Variants in RPS24 observed in about 807,000 individuals in gnomAD.
RPS24 encodes the protein ribosomal protein S24, also known as small ribosomal subunit protein eS24.
For missense variants in RPS24, 100 were observed against 162.5 expected (o/e 0.62, Z 2.09); for synonymous variants, 72 against 55.6 (o/e 1.30, Z -1.31).
downstream of RPS24, among the ~76,000 whole-genome samples, chr10:78,045,210 ACTC>A (rs536449702): frequency 5.7e-3 from 855 of 151,042 alleles, 4 homozygotes; most frequent in African/African-American, 0.02. Context: ...CTGGTCTTGA[ACTC>A]CTGACCTCAG....
At chr10:78,053,569 G>T (rs1405643379) in intron 4 of RPS24, among the ~76,000 whole-genome samples, 1 of 152,126 alleles carries the variant, frequency 6.6e-6, no homozygotes, top group Admixed American at 6.5e-5. Context: ...AATATCTTTG[G>T]GTGGAAGGTG....
chr10:78,047,610 T>C (rs1179027958), intron 4 of RPS24, among the ~76,000 whole-genome samples: 1 of 152,186 alleles, frequency 6.6e-6, no homozygotes, highest in Non-Finnish European at 1.5e-5. Flanking sequence ...GGTGGTAATC[T>C]TGTTTATAGG....
At chr10:78,037,417 T>A (rs1847896134) in intron 4 of RPS24, 113 bp downstream of exon 4, 1 of 1,453,296 alleles carries the variant, frequency 6.9e-7, no homozygotes, top group Admixed American at 2.5e-5. Flanking sequence ...TTTCTTCTTT[T>A]CCCTCTTCTT....
chr10:78,034,037 T>G, intron 1 of RPS24, 133 bp downstream of exon 1: 1 of 1,152,824 alleles, frequency 8.7e-7, no homozygotes, highest in African/African-American at 1.5e-5. Flanking sequence ...AGAGGATGGT[T>G]GTCGAGGGGC....
At chr10:78,048,732 G>A (rs568251753) in intron 4 of RPS24, among the ~76,000 whole-genome samples, 16 of 152,044 alleles carry the variant, frequency 1.1e-4, no homozygotes, top group Admixed American at 7.9e-4. Context: ...AAAATTAGCC[G>A]GGCATGGGGG....
rs373827373 is a variant in RPS24, at chr10:78,034,378, T to A, written c.3+474T>A. 8.9e-5 allele frequency: 18 copies of A among 202,130 alleles called. No individual in the cohort carries two copies. The East Asian group carries it at 9.7e-4, about 11-fold the overall frequency. 12.5% of individuals were successfully genotyped at this position (202,130 alleles called of 1,614,324 possible). ...TTGTCAGCTGGATGGATCTTCATGTTTCATAGTGGGGAAACAGGCCCTGGA... is the reference window on the plus strand; with the variant it reads ...TTGTCAGCTGGATGGATCTTCATGTATCATAGTGGGGAAACAGGCCCTGGA... On this transcript the variant is annotated intron_variant, in intron 1 of 5. Transcript: ENST00000372360.
intron 4 of RPS24, among the ~76,000 whole-genome samples, chr10:78,051,657 A>G (rs540962192): frequency 2.6e-5 from 4 of 152,354 alleles, no homozygotes; most frequent in African/African-American, 9.6e-5. Flanking sequence ...CCACAGAGGC[A>G]GCACCATTTT....
chr10:78,039,218 G>A (rs1472044660), intron 4 of RPS24: 2 of 152,244 alleles, frequency 1.3e-5, no homozygotes, highest in Admixed American at 1.3e-4. Flanking sequence ...GATTGTACCT[G>A]TTGAGAGAAG....
intron 4 of RPS24, 162 bp downstream of exon 4, chr10:78,037,466 AG>A: frequency 3.3e-6 from 4 of 1,210,574 alleles, no homozygotes; most frequent in Non-Finnish European, 4.5e-6. Flanking sequence ...GAAACTATGT[AG>A]CATAGTGTCT....
chr10:78,044,095 T>A, downstream of RPS24, among the ~76,000 whole-genome samples: 1 of 143,164 alleles, frequency 7.0e-6, no homozygotes, highest in African/African-American at 3.0e-5. Flanking sequence ...TGAACTTTAA[T>A]TATGTATATA....
chr10:78,045,526 G>C (rs1301976165), downstream of RPS24, among the ~76,000 whole-genome samples: 2 of 152,024 alleles, frequency 1.3e-5, no homozygotes, highest in Non-Finnish European at 2.9e-5. Flanking sequence ...TTGTCACCCA[G>C]GCTGGGGTGC....
chr10:78,035,935 T>A, intron 3 of RPS24: 1 of 566,658 alleles, frequency 1.8e-6, no homozygotes, highest in Non-Finnish European at 3.2e-6. Flanking sequence ...GCAGCTGAAG[T>A]AGTGTTCTTG....
intron 4 of RPS24, chr10:78,038,157 C>A: frequency 3.2e-6 from 1 of 311,072 alleles, no homozygotes; most frequent in South Asian, 2.9e-5. Flanking sequence ...ATTACTTTTG[C>A]ACCAACCTAA....
chr10:78,045,988 C>T (rs1365536281), intron 4 of RPS24, among the ~76,000 whole-genome samples: 2 of 151,918 alleles, frequency 1.3e-5, no homozygotes, highest in African/African-American at 4.8e-5. Context: ...GGTGACAGAG[C>T]GAGGCTCTGT....
At chr10:78,039,873 G>A (rs892029716) in intron 4 of RPS24, 1 of 407,058 alleles carries the variant, frequency 2.5e-6, no homozygotes, top group Non-Finnish European at 4.6e-6. Flanking sequence ...GAGCAGAGGG[G>A]CAGAGGCTCA....
chr10:78,040,775 C>A, downstream of RPS24: 1 of 1,002,092 alleles, frequency 1.0e-6, no homozygotes, highest in Non-Finnish European at 1.5e-6. Context: ...AGTTGCTGTC[C>A]AAGTTCACAT....
intron 4 of RPS24, chr10:78,038,235 C>T (rs185155271): frequency 4.9e-6 from 1 of 206,140 alleles, no homozygotes; most frequent in East Asian, 1.4e-4. Context: ...TTTGTAAACT[C>T]CAAAATGCAT....
Position 78,035,375 on chromosome 10 carries a change from T to G in RPS24, c.27T>G (p.Thr9=). ...AGAACGACACCGTAACTATCCGCAC[T>G]AGAAAGTTCATGACCAACCGACTAC... The part of the protein sequence containing the change: MNDTVTIR[T]RKFMTNRLLQ... Residue 9 remains threonine (T), a synonymous_variant, in exon 2 of 6, where the codon ACT becomes ACG. Coordinates refer to ENST00000372360, the MANE Select transcript of RPS24 (RefSeq NM_033022.4). The G allele has an allele frequency of 6.2e-7, 1 of 1,614,152 alleles. No individual in the cohort carries two copies.
chr10:78,041,750 C>T (rs1006243686), downstream of RPS24, among the ~76,000 whole-genome samples: 9 of 151,946 alleles, frequency 5.9e-5, no homozygotes, highest in South Asian at 2.1e-4. Context: ...TGGGACAGGA[C>T]GTGGAGCTGG....
Sources: allele counts gnomAD v4.1 joint callset (sites outside exome capture counted in the v4.1 genomes callset), GRCh38; gene constraint gnomAD v4.1.1; transcripts MANE v1.5; gene names NCBI Gene and HGNC (gene_info 2026-07-23, HGNC 2026-07-21).